DACH1: variants seen among roughly 807,000 people sequenced by gnomAD.
DACH1 encodes the protein dachshund family transcription factor 1, also known as dachshund homolog 1.
Under a neutral mutation model 54.2 loss-of-function variants are expected in DACH1, and 12 were observed. The observed-to-expected ratio is 0.22, with a 90% CI of 0.14 to 0.36. The LOEUF is 0.36. DACH1 is among the 10% of genes least tolerant of loss of function. The pLI is 1.00. For missense variants in DACH1, 805 were observed against 929.8 expected (o/e 0.87, Z 1.75); for synonymous variants, 386 against 366.2 (o/e 1.05, Z -0.62).
rs767779015 is a variant in DACH1 at position 71,475,145 on chromosome 13, T to C, written c.2079A>G (p.Ile693Met). 2 of 1,613,754 alleles carry C rather than the reference T, an allele frequency of 1.2e-6. No individual in the cohort carries two copies. Among genetic ancestry groups the C allele is most frequent in the Non-Finnish European group, 8.5e-7 (1 of 1,179,790 alleles). The change falls in exon 10 of 11, where the codon ATA becomes ATG. Residue 693 changes from isoleucine (I) to methionine (M), a missense_variant. Physicochemically the swap from Ile to Met is conservative, Grantham distance 10 (BLOSUM62 1). Around this residue, in one of 3 missense-constraint regions of DACH1, gnomAD observed 472 missense variants for 545.3 expected, o/e 0.87. Coordinates refer to ENST00000613252, the MANE Select transcript of DACH1 (RefSeq NM_080759.6). ...SGGRTDAERT[I>M]QDGRLYLKTT... The stretch of plus-strand genomic sequence containing the variant: ...TAGCCTTCTGCAAATTCCTACCTTG[T>C]ATTGTCCTTTCAGCATCTGTTCTGC...
chr13:71,763,629 C>T (rs1238576455), intron 1 of DACH1, among the ~76,000 whole-genome samples: 1 of 152,020 alleles, frequency 6.6e-6, no homozygotes, highest in East Asian at 1.9e-4. Flanking sequence ...TCCTAAGTAG[C>T]TAAGACTACA....
chr13:71,683,625 T>C lies in DACH1; in HGVS notation c.849-1715A>G, dbSNP rs553125804. Among the ~76,000 whole-genome samples the C allele has an allele frequency of 8.5e-5, 13 of 152,224 alleles. No individual in the cohort carries two copies. The South Asian group carries it at 1.9e-3, about 22-fold the overall frequency. ...GTTTTCTTAACCCATAGGGATATTG[T>C]CGTGCTTATTGTTCTTGAAGTATCC... is the stretch of plus-strand genomic sequence containing the variant. On this transcript the variant is annotated intron_variant, in intron 1 of 10. Coordinates refer to ENST00000613252, the MANE Select transcript of DACH1 (RefSeq NM_080759.6).
chr13:71,792,474 T>G (rs9572787), intron 1 of DACH1, among the ~76,000 whole-genome samples: 71,335 of 151,942 alleles, frequency 0.47, 17,737 homozygotes, highest in East Asian at 0.86. Context: ...TTCCTCAAAG[T>G]CAAAGGATAC....
chr13:71,618,464 T>C (rs538642899), intron 3 of DACH1, among the ~76,000 whole-genome samples: 2 of 152,238 alleles, frequency 1.3e-5, no homozygotes, highest in East Asian at 3.9e-4. Flanking sequence ...AGTCTTTCAA[T>C]GCTAGTGTTT....
chr13:71,574,559 GA>G (rs1885417815), intron 3 of DACH1, among the ~76,000 whole-genome samples: 1 of 152,020 alleles, frequency 6.6e-6, no homozygotes, highest in Admixed American at 6.6e-5. Context: ...TTACTGCCAT[GA>G]TTTTTTTCCA....
At chr13:71,442,929 A>G (rs1874136129) in intron 10 of DACH1, among the ~76,000 whole-genome samples, 1 of 151,612 alleles carries the variant, frequency 6.6e-6, no homozygotes, top group Admixed American at 6.6e-5. Context: ...AAGATAAACT[A>G]TAGATAAGGA....
At chr13:71,849,164 C>T (rs9572805) in intron 1 of DACH1, among the ~76,000 whole-genome samples, 14,314 of 152,122 alleles carry the variant, frequency 0.094, 1,397 homozygotes, top group East Asian at 0.57. Flanking sequence ...TTGTTGCTAA[C>T]GCTTTAAAAA....
Position 71,636,685 on chromosome 13 carries a change from C to A in DACH1, c.965-5968G>T, listed in dbSNP as rs536044954. 2.6e-5 allele frequency among the ~76,000 whole-genome samples: 4 copies of A among 151,842 alleles called. No homozygotes were observed. The South Asian group carries it at 8.3e-4, about 32-fold the overall frequency. On this transcript the variant is annotated intron_variant, in intron 2 of 10. Transcript: ENST00000613252. ...CATATATTGTGTTCTCTCTTCTAGG[C>A]CTCCAATTGGTCTTCAGGAAAAGAA...
At chr13:71,575,289 T>C (rs1298932048) in intron 3 of DACH1, among the ~76,000 whole-genome samples, 1 of 152,016 alleles carries the variant, frequency 6.6e-6, no homozygotes, top group Non-Finnish European at 1.5e-5. Context: ...TTTAAAATCT[T>C]CAACAAATGT....
intron 3 of DACH1, among the ~76,000 whole-genome samples, chr13:71,577,434 T>G (rs1054244961): frequency 6.6e-6 from 1 of 152,174 alleles, no homozygotes; most frequent in Non-Finnish European, 1.5e-5. Flanking sequence ...TCTCTTCAAA[T>G]CCCATTTTAT....
At chr13:71,620,076 G>A (rs975184232) in intron 3 of DACH1, among the ~76,000 whole-genome samples, 20 of 152,006 alleles carry the variant, frequency 1.3e-4, no homozygotes, top group East Asian at 5.8e-4. Flanking sequence ...TGACCACCTT[G>A]ATAAGATGTT....
intron 2 of DACH1, among the ~76,000 whole-genome samples, chr13:71,665,558 C>T (rs921387717): frequency 9.2e-5 from 14 of 151,934 alleles, no homozygotes; most frequent in Non-Finnish European, 1.3e-4. Context: ...GTGACCAAAA[C>T]GCCTACTATG....
chr13:71,623,055 T>A (rs1039848471), intron 3 of DACH1, among the ~76,000 whole-genome samples: 3 of 151,802 alleles, frequency 2.0e-5, no homozygotes. Flanking sequence ...TATAGGAAAC[T>A]AGTACATGTT....
At chr13:71,731,075 T>G (rs1028764616) in intron 1 of DACH1, among the ~76,000 whole-genome samples, 4 of 152,126 alleles carry the variant, frequency 2.6e-5, no homozygotes, top group African/African-American at 9.7e-5. Context: ...TGAACACTTT[T>G]GCAATAATCT....
chr13:71,660,247 A>G (rs1281888471), intron 2 of DACH1, among the ~76,000 whole-genome samples: 1 of 152,120 alleles, frequency 6.6e-6, no homozygotes, highest in African/African-American at 2.4e-5. Context: ...TTGATTCACT[A>G]TGTTGCTACA....
At chr13:71,700,197 C>A (rs1882045478) in intron 1 of DACH1, among the ~76,000 whole-genome samples, 1 of 151,926 alleles carries the variant, frequency 6.6e-6, no homozygotes, top group Non-Finnish European at 1.5e-5. Flanking sequence ...GCATTGAGAA[C>A]AGGAAATAAG....
At position 71,636,813 on chromosome 13, in the gene DACH1, A is replaced by T. The variant is rs142027733; in HGVS notation, c.965-6096T>A. Among the ~76,000 whole-genome samples the T allele has an allele frequency of 1.4e-3, 206 of 152,126 alleles. 1 individual carries two copies. Among genetic ancestry groups the T allele is most frequent in the East Asian group, 3.9e-3 (20 of 5,172 alleles). ...GAATCTTGACAAACTATCACTTGCA[A>T]ATTTAAAAGAATGAGCAAATTTTTA... On this transcript the variant is annotated intron_variant, in intron 2 of 10. Transcript: ENST00000613252.
chr13:71,864,935 C>G (rs9599893), intron 1 of DACH1, among the ~76,000 whole-genome samples: 1 of 151,868 alleles, frequency 6.6e-6, no homozygotes, highest in Non-Finnish European at 1.5e-5. Context: ...AGCTACTAAC[C>G]TTTAAGAAAA....
At chr13:71,647,385 C>G (rs1228092864) in intron 2 of DACH1, among the ~76,000 whole-genome samples, 1 of 152,104 alleles carries the variant, frequency 6.6e-6, no homozygotes, top group African/African-American at 2.4e-5. Context: ...GTCTAGAACC[C>G]AATTTTTTTT....
Sources: gnomAD v4.1 joint callset for allele counts (sites outside exome capture counted in the v4.1 genomes callset) on GRCh38, gnomAD v4.1.1 for gene constraint, gnomAD v4.1.1 regional missense constraint, MANE v1.5 for transcripts, NCBI Gene and HGNC (gene_info 2026-07-23, HGNC 2026-07-21) for gene names.